Variants in PAK3 observed in about 807,000 individuals in gnomAD.
PAK3 encodes the protein serine/threonine-protein kinase PAK 3.
In PAK3, 4 loss-of-function variants were observed where a neutral mutation model predicts 41.0. The observed-to-expected ratio is 0.10, with a 90% CI of 0.05 to 0.22. PAK3 has a LOEUF of 0.22. Ranked by LOEUF, PAK3 falls within the 10% of genes least tolerant of loss-of-function variation. PAK3 has a pLI of 1.00. For missense variants in PAK3, 205 were observed against 409.9 expected, an observed-to-expected ratio of 0.50 and a Z score of 4.32; for synonymous variants, 146 against 139.6, an observed-to-expected ratio of 1.05 and a Z score of -0.32.
At chrX:111,134,057 TAAC>T (rs2093754467) in intron 5 of PAK3, among the ~76,000 whole-genome samples, 1 of 111,729 alleles carries the variant, frequency 9.0e-6, no homozygotes, top group Non-Finnish European at 1.9e-5. Context: ...TAGGGGAAGA[TAAC>T]AAATGGAACT....
At chrX:111,056,919 TAATA>T in intron 1 of PAK3, among the ~76,000 whole-genome samples, 1 of 112,133 alleles carries the variant, frequency 8.9e-6, no homozygotes, top group East Asian at 2.8e-4. Flanking sequence ...TTTTTTACTT[TAATA>T]GATACTGCAA....
intron 1 of PAK3, among the ~76,000 whole-genome samples, chrX:110,972,476 T>A (rs1368110539): frequency 3.6e-5 from 4 of 112,160 alleles, no homozygotes; most frequent in African/African-American, 1.3e-4. Flanking sequence ...GGGATCTGAC[T>A]GTTAGAAGGA....
chrX:111,221,664 C>T lies in PAK3; in HGVS notation c.*1217C>T, dbSNP rs960156794. ...AAGGTGATATAGTAAACATTCAACTCTGTAAGAAATGGGAGGTCAGTGAAG... is the reference window on the plus strand; with the variant it reads ...AAGGTGATATAGTAAACATTCAACTTTGTAAGAAATGGGAGGTCAGTGAAG... On this transcript the variant is annotated 3_prime_UTR_variant, in exon 18 of 18. Coordinates refer to ENST00000372007, the MANE Select transcript of PAK3 (RefSeq NM_002578.5). The T allele has an allele frequency of 1.8e-5, 2 of 111,816 alleles. No individual in the cohort carries two copies. The highest frequency in any genetic ancestry group is 6.5e-5 in the African/African-American group (2 of 30,788). The allele number at this position is 111,816 out of a possible 1,213,427, so 9.2% of individuals were successfully genotyped here.
intron 1 of PAK3, among the ~76,000 whole-genome samples, chrX:110,953,308 G>A (rs759911736): frequency 9.0e-6 from 1 of 111,624 alleles, no homozygotes; most frequent in South Asian, 3.8e-4. Context: ...TTAGTTGTGT[G>A]ACCCTGAACT....
At chrX:111,062,528 T>C (rs760589135) in intron 1 of PAK3, among the ~76,000 whole-genome samples, 5 of 112,405 alleles carry the variant, frequency 4.4e-5, no homozygotes, top group Non-Finnish European at 7.5e-5. Context: ...AATCTGCCAA[T>C]TGAAGCCAGA....
In PAK3 at chrX:111,152,395, A is replaced by G. The variant is rs1371338417; in HGVS notation, c.431-15A>G. The G allele has an allele frequency of 2.6e-6, 3 of 1,139,594 alleles. No homozygotes were observed. Among genetic ancestry groups the G allele is most frequent in the Non-Finnish European group, 3.6e-6 (3 of 832,146 alleles). The allele number at this position is 1,139,594 out of a possible 1,213,427, so 93.9% of individuals were successfully genotyped here. Reference sequence around the variant, plus strand: ...TTTATGAAACAAAAATGACCTCTCTATTCTCACTTTGCAGATAAAAGTGCA... The same window carrying G: ...TTTATGAAACAAAAATGACCTCTCTGTTCTCACTTTGCAGATAAAAGTGCA... On this transcript the variant is annotated splice_polypyrimidine_tract_variant and intron_variant, in intron 7 of 17. Transcript: ENST00000372007.
At chrX:111,152,273 T>C in intron 7 of PAK3, 137 bp from the exon 8 acceptor site, 1 of 470,778 alleles carries the variant, frequency 2.1e-6, no homozygotes, top group Non-Finnish European at 3.8e-6. Flanking sequence ...TTAGTCATAA[T>C]ATCTAGTTAA....
chrX:111,110,634 A>G (rs1252183904), intron 4 of PAK3, among the ~76,000 whole-genome samples: 4 of 111,091 alleles, frequency 3.6e-5, no homozygotes, highest in Non-Finnish European at 7.6e-5. Context: ...CCACAGTAGT[A>G]CCATTCACCA....
chrX:111,026,877 C>T (rs1040174400), intron 1 of PAK3, among the ~76,000 whole-genome samples: 1 of 111,900 alleles, frequency 8.9e-6, no homozygotes, highest in Admixed American at 9.5e-5. Context: ...CAGAACAAAT[C>T]TGGAGGCATC....
At chrX:111,051,851 G>A (rs1162547052) in intron 1 of PAK3, among the ~76,000 whole-genome samples, 1 of 112,527 alleles carries the variant, frequency 8.9e-6, no homozygotes, top group Non-Finnish European at 1.9e-5. Context: ...TAGACAGGAA[G>A]ATACCTTTGT....
At chrX:110,956,730 C>T (rs1198634845) in intron 1 of PAK3, among the ~76,000 whole-genome samples, 4 of 111,613 alleles carry the variant, frequency 3.6e-5, no homozygotes, top group Admixed American at 9.5e-5. Context: ...CCTCCCCTGT[C>T]GGCTCCACCA....
chrX:110,994,395 A>T (rs1432394505), intron 1 of PAK3, among the ~76,000 whole-genome samples: 2 of 111,434 alleles, frequency 1.8e-5, no homozygotes, highest in Non-Finnish European at 1.9e-5. Flanking sequence ...TAGAGGATCA[A>T]GGCACCCCAA....
chrX:110,950,748 T>A, intron 1 of PAK3, among the ~76,000 whole-genome samples: 1 of 112,355 alleles, frequency 8.9e-6, no homozygotes, highest in South Asian at 3.7e-4. Flanking sequence ...TATTAAATAT[T>A]GGTGCAATGT....
At chrX:111,210,118 A>G (rs889828221) in intron 16 of PAK3, among the ~76,000 whole-genome samples, 1 of 111,495 alleles carries the variant, frequency 9.0e-6, no homozygotes, top group African/African-American at 3.3e-5. Flanking sequence ...GAAGAAAGCC[A>G]CCGTTTTTCT....
chrX:111,099,986 C>A (rs2093094750), intron 3 of PAK3, among the ~76,000 whole-genome samples: 1 of 109,026 alleles, frequency 9.2e-6, no homozygotes, highest in African/African-American at 3.3e-5. Context: ...ACAAAACAAC[C>A]CCACAACCAC....
Position 111,078,612 on chromosome X carries a change from A to G in PAK3, c.-27-44465A>G, listed in dbSNP as rs911481333. ...AGCCCTGCCTATTTTCTGAGACACA[A>G]CAATATTGAAATTAGGCCAATTAAT... On this transcript the variant is annotated intron_variant, in intron 1 of 14. Transcript: ENST00000425146. Among the ~76,000 whole-genome samples the G allele has an allele frequency of 2.7e-5, 3 of 110,891 alleles. No individual in the cohort carries two copies. The East Asian group carries it at 8.5e-4, about 31-fold the overall frequency.
At chrX:110,984,812 C>T (rs1271631440) in intron 1 of PAK3, among the ~76,000 whole-genome samples, 2 of 110,562 alleles carry the variant, frequency 1.8e-5, no homozygotes, top group African/African-American at 6.6e-5. Flanking sequence ...CCAATCTCTA[C>T]TCTATATAAC....
intron 1 of PAK3, among the ~76,000 whole-genome samples, chrX:111,077,254 A>G (rs2092793577): frequency 8.9e-6 from 1 of 111,894 alleles, no homozygotes; most frequent in South Asian, 3.7e-4. Context: ...CACAGATTCA[A>G]TAAAATCCCT....
intron 16 of PAK3, among the ~76,000 whole-genome samples, chrX:111,214,691 AACG>A (rs1470669872): frequency 6.3e-5 from 7 of 111,240 alleles, no homozygotes; most frequent in Admixed American, 1.9e-4. Flanking sequence ...CACTAGATTA[AACG>A]GTTGTTCCTG....
Sources: allele counts gnomAD v4.1 joint callset (sites outside exome capture counted in the v4.1 genomes callset), GRCh38; gene constraint gnomAD v4.1.1; transcripts MANE v1.5; gene names NCBI Gene and HGNC (gene_info 2026-07-23, HGNC 2026-07-21).